Variants in NEBL observed in about 807,000 individuals in gnomAD.
NEBL encodes LIM and SH3 protein 2.
In NEBL, 122 loss-of-function variants were observed where a neutral mutation model predicts 140.2. That is an observed-to-expected ratio of 0.87 (90% CI 0.75 to 1.01). The LOEUF is 1.01. Ranked by LOEUF, NEBL falls within the 50% of genes least tolerant of loss-of-function variation. NEBL has a pLI of 0.00. For synonymous variants in NEBL, 436 were observed against 398.9 expected (o/e 1.09, Z -1.11); for missense variants, 1,365 against 1,231.3 (o/e 1.11, Z -1.62).
At chr10:20,855,016 A>G (rs1433898352) in intron 9 of NEBL, among the ~76,000 whole-genome samples, 2 of 152,036 alleles carry the variant, frequency 1.3e-5, no homozygotes, top group East Asian at 3.9e-4. Flanking sequence ...TGAGGTCAAG[A>G]GATCTAGACC....
At chr10:20,870,288 T>G (rs1196176178) in intron 5 of NEBL, among the ~76,000 whole-genome samples, 1 of 140,214 alleles carries the variant, frequency 7.1e-6, no homozygotes, top group Non-Finnish European at 1.5e-5. Flanking sequence ...ATAGCACCAC[T>G]GCATTCCAAA....
At chr10:20,833,639 A>G (rs1840620506) in intron 14 of NEBL, among the ~76,000 whole-genome samples, 1 of 152,058 alleles carries the variant, frequency 6.6e-6, no homozygotes, top group African/African-American at 2.4e-5. Context: ...AATTGCCTCA[A>G]GGATTCTTCT....
intron 4 of NEBL, among the ~76,000 whole-genome samples, chr10:20,918,313 G>A (rs970670689): frequency 1.3e-5 from 2 of 151,994 alleles, no homozygotes; most frequent in African/African-American, 4.8e-5. Context: ...AGCTGAGATT[G>A]AGCCACTGCA....
At chr10:20,894,573 T>C (rs1430813915) in intron 2 of NEBL, among the ~76,000 whole-genome samples, 1 of 151,852 alleles carries the variant, frequency 6.6e-6, no homozygotes, top group African/African-American at 2.4e-5. Context: ...TTAGCAAGTA[T>C]AGAATTCTAT....
intron 7 of NEBL, among the ~76,000 whole-genome samples, chr10:20,866,593 T>G (rs1000503976): frequency 1.3e-5 from 2 of 152,172 alleles, no homozygotes; most frequent in African/African-American, 4.8e-5. Flanking sequence ...TTCTGTCCCC[T>G]GGCAGGCATA....
At chr10:21,282,307 A>C (rs1413594411) in intron 1 of NEBL, among the ~76,000 whole-genome samples, 1 of 152,152 alleles carries the variant, frequency 6.6e-6, no homozygotes, top group African/African-American at 2.4e-5. Flanking sequence ...CATTACAAAT[A>C]TTTATTAGTA....
chr10:21,201,393 A>C (rs775413597), intron 3 of NEBL, among the ~76,000 whole-genome samples: 3 of 152,236 alleles, frequency 2.0e-5, no homozygotes, highest in Non-Finnish European at 4.4e-5. Flanking sequence ...TAACATAAAA[A>C]GAATCTTTCC....
At chr10:20,895,054 G>A (rs1847361675) in intron 2 of NEBL, among the ~76,000 whole-genome samples, 2 of 151,696 alleles carry the variant, frequency 1.3e-5, no homozygotes, top group South Asian at 2.1e-4. Flanking sequence ...TTTTACCTAC[G>A]TGGGTGTGAA....
At chr10:21,169,060 AAAAAAAAATATATATATATAT>A (rs1840937796) in intron 2 of NEBL, among the ~76,000 whole-genome samples, 1 of 57,662 alleles carries the variant, frequency 1.7e-5, no homozygotes, top group African/African-American at 6.2e-5. Flanking sequence ...AAAAAAAAAA[AAAAAAAAATATATATATATAT>A]ATATATATAT....
At chr10:20,988,690 T>G (rs565780935) in intron 3 of NEBL, among the ~76,000 whole-genome samples, 2 of 152,304 alleles carry the variant, frequency 1.3e-5, no homozygotes, top group Admixed American at 1.3e-4. Context: ...CAAAAACTCC[T>G]CAAATAGTTA....
rs1421784109 is a variant in NEBL, at chr10:21,173,294, G to A, written c.69+471C>T. ...AGCAATGCGGCAGCGGCCGCCCCATGACATATTAATTACTATTTGCCTCTC... is the reference window on the plus strand; with the variant it reads ...AGCAATGCGGCAGCGGCCGCCCCATAACATATTAATTACTATTTGCCTCTC... On this transcript the variant is annotated intron_variant, in intron 1 of 6. Coordinates refer to the NEBL transcript ENST00000417816. This position sits in a 1 kb window ranked among gnomAD's most constrained non-coding sequence, Gnocchi z 5.7. 2.6e-5 allele frequency among the ~76,000 whole-genome samples: 4 copies of A among 152,058 alleles called. No individual in the cohort carries two copies. The highest frequency in any genetic ancestry group is 5.9e-5 in the Non-Finnish European group (4 of 68,000).
intron 2 of NEBL, among the ~76,000 whole-genome samples, chr10:21,025,816 A>G (rs1206961176): frequency 6.6e-6 from 1 of 152,198 alleles, no homozygotes; most frequent in Non-Finnish European, 1.5e-5. Flanking sequence ...AGAGTAGCAC[A>G]ATTCAGGCTT....
intron 3 of NEBL, among the ~76,000 whole-genome samples, chr10:21,241,285 T>TAAATAAATAAAA (rs1466880356): frequency 6.1e-5 from 9 of 146,420 alleles, no homozygotes; most frequent in East Asian, 6.0e-4. Flanking sequence ...AATAAATAAA[T>TAAATAAATAAAA]AAAAATAAAA....
chr10:21,126,009 G>A, intron 2 of NEBL: 1 of 1,614,196 alleles, frequency 6.2e-7, no homozygotes, highest in African/African-American at 1.3e-5. Context: ...GACTGAAGCT[G>A]ACTCTCCGCA....
At chr10:21,117,650 T>C (rs1443579712) in intron 2 of NEBL, among the ~76,000 whole-genome samples, 1 of 152,190 alleles carries the variant, frequency 6.6e-6, no homozygotes, top group East Asian at 1.9e-4. Context: ...TATTGCCTAG[T>C]TATTCTTAGT....
At chr10:21,112,012 GAGAAATGCAAATCAAA>G (rs1446908036) in intron 2 of NEBL, among the ~76,000 whole-genome samples, 1 of 152,222 alleles carries the variant, frequency 6.6e-6, no homozygotes, top group Non-Finnish European at 1.5e-5. Flanking sequence ...CTGGTGATCA[GAGAAATGCAAATCAAA>G]ACCACAATGA....
rs1025422694 is a variant in NEBL at position 20,780,407 on chromosome 10, G to C, written c.*5340C>G. 1 of 152,206 alleles carries C rather than the reference G, an allele frequency of 6.6e-6. No homozygotes were observed. The highest frequency in any genetic ancestry group is 1.5e-5 in the Non-Finnish European group (1 of 68,030). 9.4% of individuals were successfully genotyped at this position (152,206 alleles called of 1,614,324 possible). On this transcript the variant is annotated 3_prime_UTR_variant, in exon 28 of 28. Coordinates refer to ENST00000377122, the MANE Select transcript of NEBL (RefSeq NM_006393.3). ...TGATATAAAATCAGAAAGATACTGA[G>C]CTTGGAGAAGCATAATATTGTTATC...
At chr10:21,229,405 A>G (rs1017840998) in intron 3 of NEBL, among the ~76,000 whole-genome samples, 1 of 152,194 alleles carries the variant, frequency 6.6e-6, no homozygotes, top group African/African-American at 2.4e-5. Context: ...TGGGTAACAG[A>G]GGGGGACCCT....
chr10:21,252,982 C>T (rs1003195032), intron 1 of NEBL, among the ~76,000 whole-genome samples: 1 of 152,056 alleles, frequency 6.6e-6, no homozygotes, highest in Non-Finnish European at 1.5e-5. Context: ...AAGGCAGAGG[C>T]CAGGCATGGC....
Sources: gnomAD v4.1 joint callset for allele counts (sites outside exome capture counted in the v4.1 genomes callset) on GRCh38, gnomAD v4.1.1 for gene constraint, Gnocchi (gnomAD v3.1) non-coding constraint, MANE v1.5 for transcripts, NCBI Gene and HGNC (gene_info 2026-07-23, HGNC 2026-07-21) for gene names.